Variants in NRG1 observed in about 807,000 individuals in gnomAD.
NRG1 encodes neuregulin 1.
In NRG1, 18 loss-of-function variants were observed where a neutral mutation model predicts 63.8. The ratio of observed to expected loss-of-function variants is 0.28; its 90% CI spans 0.19 to 0.42. The LOEUF is 0.42. Among genes scored for constraint, NRG1 ranks in the 10% least tolerant of loss-of-function variants. NRG1 has a pLI of 1.00. For synonymous variants in NRG1, 302 were observed against 301.3 expected, an observed-to-expected ratio of 1.00 and a Z score of -0.02; for missense variants, 762 against 814.7, an observed-to-expected ratio of 0.94 and a Z score of 0.79.
chr8:31,876,187 A>T (rs958962649), intron 1 of NRG1, among the ~76,000 whole-genome samples: 1 of 152,204 alleles, frequency 6.6e-6, no homozygotes, highest in African/African-American at 2.4e-5. Context: ...TAAGAGCACA[A>T]CATTTGTAGT....
intron 1 of NRG1, among the ~76,000 whole-genome samples, chr8:32,521,065 C>A (rs1408259303): frequency 1.3e-5 from 2 of 152,080 alleles, no homozygotes; most frequent in Non-Finnish European, 2.9e-5. Flanking sequence ...TGTTGCTAAT[C>A]TCTTACTGTG....
At chr8:32,261,041 CA>C (rs1353569020) in intron 1 of NRG1, among the ~76,000 whole-genome samples, 1 of 152,098 alleles carries the variant, frequency 6.6e-6, no homozygotes, top group African/African-American at 2.4e-5. Flanking sequence ...CTCTTTTAAA[CA>C]AAACACTTTT....
chr8:32,196,534 C>T (rs1742095000), intron 1 of NRG1, among the ~76,000 whole-genome samples: 5 of 152,148 alleles, frequency 3.3e-5, no homozygotes. Context: ...ACAATGAATC[C>T]AGTCTCTGAA....
chr8:32,313,090 G>T (rs1246502647), intron 1 of NRG1, among the ~76,000 whole-genome samples: 1 of 152,178 alleles, frequency 6.6e-6, no homozygotes, highest in Non-Finnish European at 1.5e-5. Context: ...AAAAAGCAGA[G>T]GTTTCAGTGA....
intron 1 of NRG1, among the ~76,000 whole-genome samples, chr8:31,803,129 G>T (rs938054406): frequency 6.6e-6 from 1 of 152,182 alleles, no homozygotes; most frequent in African/African-American, 2.4e-5. Flanking sequence ...ATTGAATTTA[G>T]TCTGATCTGC....
At chr8:32,133,977 G>A (rs1254708612) in intron 1 of NRG1, among the ~76,000 whole-genome samples, 4 of 152,218 alleles carry the variant, frequency 2.6e-5, no homozygotes, top group South Asian at 2.1e-4. Context: ...GCTAATGTCT[G>A]TAACTTTATT....
chr8:32,339,344 T>A (rs1394641369), intron 1 of NRG1, among the ~76,000 whole-genome samples: 2 of 152,118 alleles, frequency 1.3e-5, no homozygotes, highest in African/African-American at 2.4e-5. Flanking sequence ...AAATACTCAC[T>A]TTGTCTCTTA....
intron 5 of NRG1, chr8:32,647,784 C>T (rs1309927727): frequency 6.2e-7 from 1 of 1,613,062 alleles, no homozygotes; most frequent in Non-Finnish European, 8.5e-7. Context: ...CTCCACTCAG[C>T]TGAGTGCAGA....
At position 32,555,637 on chromosome 8, in the gene NRG1, G is replaced by A. The variant is rs567471167; in HGVS notation, c.100+6811G>A. 8.4e-3 allele frequency among the ~76,000 whole-genome samples: 1,272 copies of A among 152,078 alleles called. 17 individuals are homozygous for A. Among genetic ancestry groups the A allele is most frequent in the African/African-American group, 0.029 (1,205 of 41,476 alleles). On this transcript the variant is annotated intron_variant, in intron 1 of 11. Coordinates refer to ENST00000356819, the Ensembl canonical transcript of NRG1. ...CAGGCGCCCACCACCACGCCCGGCT[G>A]ATTTTTTGTATTTCTAGTAGAGACG...
intron 1 of NRG1, among the ~76,000 whole-genome samples, chr8:31,652,729 C>T (rs1352372132): frequency 6.6e-6 from 1 of 152,172 alleles, no homozygotes; most frequent in East Asian, 1.9e-4. Context: ...ACGGATTGTG[C>T]TATAGTCTTT....
chr8:31,918,206 C>T (rs974643304), intron 1 of NRG1, among the ~76,000 whole-genome samples: 19 of 152,272 alleles, frequency 1.2e-4, no homozygotes, highest in Non-Finnish European at 2.9e-5. Flanking sequence ...CCTCTCCTGC[C>T]TAATTGCCCT....
chr8:32,672,776 A>G (rs1376191556), intron 5 of NRG1, among the ~76,000 whole-genome samples: 1 of 38,054 alleles, frequency 2.6e-5, no homozygotes, highest in African/African-American at 5.1e-5. Context: ...ATCAATAACA[A>G]TATAGTAATA....
chr8:32,503,288 G>GAAAAAAAAAAAAAAAAAAAAAA (rs60857610), intron 1 of NRG1, among the ~76,000 whole-genome samples: 1 of 54,862 alleles, frequency 1.8e-5, no homozygotes, highest in Non-Finnish European at 3.4e-5. Context: ...CTCTGTCTCA[G>GAAAAAAAAAAAAAAAAAAAAAA]AAAAAAAAAA....
rs368148634 is a variant in NRG1, at chr8:32,566,915, G to A, written c.100+18089G>A. Among the ~76,000 whole-genome samples the A allele has an allele frequency of 3.2e-4, 49 of 152,228 alleles. 1 individual carries two copies. The highest frequency in any genetic ancestry group is 7.8e-4 in the Admixed American group (12 of 15,288). ...GTGGCCCAGGCTGAAATGCAGTGGC[G>A]CGATCTCAGCTCACTACAACCTCCA... On this transcript the variant is annotated intron_variant, in intron 1 of 11. Coordinates refer to ENST00000356819, the Ensembl canonical transcript of NRG1.
At chr8:32,066,254 C>G (rs1426041673) in intron 1 of NRG1, among the ~76,000 whole-genome samples, 1 of 152,156 alleles carries the variant, frequency 6.6e-6, no homozygotes, top group Non-Finnish European at 1.5e-5. Context: ...GACATGAAGT[C>G]CTTGTCCATG....
intron 1 of NRG1, among the ~76,000 whole-genome samples, chr8:32,152,107 A>T (rs2131833952): frequency 6.6e-6 from 1 of 152,330 alleles, no homozygotes; most frequent in Admixed American, 6.5e-5. Context: ...TAGCAATCTT[A>T]AGTGTGCATG....
intron 7 of NRG1, among the ~76,000 whole-genome samples, chr8:32,747,732 G>GTGTATGTATATATATATATATATATA (rs1264111970): frequency 7.6e-6 from 1 of 132,120 alleles, no homozygotes; most frequent in African/African-American, 3.0e-5. Flanking sequence ...ATGTGTGTGT[G>GTGTATGTATATATATATATATATATA]TATATATATA....
chr8:32,307,572 T>A (rs770326351), intron 1 of NRG1, among the ~76,000 whole-genome samples: 4 of 149,734 alleles, frequency 2.7e-5, no homozygotes, highest in Non-Finnish European at 5.9e-5. Context: ...AAAATGGCTC[T>A]ATGGTCACCC....
At chr8:32,196,331 T>C (rs1842948867) in intron 1 of NRG1, among the ~76,000 whole-genome samples, 1 of 152,114 alleles carries the variant, frequency 6.6e-6, no homozygotes, top group Non-Finnish European at 1.5e-5. Context: ...CATGCAAGTA[T>C]GTAGGGATAG....
Sources: gnomAD v4.1 joint callset for allele counts (sites outside exome capture counted in the v4.1 genomes callset) on GRCh38, gnomAD v4.1.1 for gene constraint, MANE v1.5 for transcripts, NCBI Gene and HGNC (gene_info 2026-07-23, HGNC 2026-07-21) for gene names.